HOMER3: variants seen among roughly 807,000 people sequenced by gnomAD.
HOMER3 encodes homer scaffold protein 3.
HOMER3 carries 34 observed loss-of-function variants against 45.5 expected under a neutral mutation model. The observed-to-expected ratio is 0.75, with a 90% CI of 0.57 to 1.00. The LOEUF (loss-of-function observed/expected upper bound fraction) is 1.00, where lower values mean the gene tolerates loss of function less well. Among genes scored for constraint, HOMER3 ranks in the 50% least tolerant of loss-of-function variants. HOMER3 has a pLI of 0.00. For missense variants in HOMER3, 480 were observed against 497.5 expected, an observed-to-expected ratio of 0.96 and a Z score of 0.33; for synonymous variants, 223 against 208.8, an observed-to-expected ratio of 1.07 and a Z score of -0.58.
intron 4 of HOMER3, among the ~76,000 whole-genome samples, chr19:18,935,872 T>TAAAAA (rs2057087020): frequency 2.7e-5 from 4 of 149,014 alleles, no homozygotes; most frequent in Admixed American, 1.3e-4. Flanking sequence ...ACACAAAAAT[T>TAAAAA]AGCCAGGCAT....
intron 7 of HOMER3, 96 bp downstream of exon 7, chr19:18,931,880 A>G: frequency 7.0e-7 from 1 of 1,435,148 alleles, no homozygotes; most frequent in Non-Finnish European, 9.1e-7. Flanking sequence ...TCACACAGCT[A>G]GTCCATGAAC....
rs771871313 is a variant in HOMER3, at chr19:18,931,402, T to C, written c.817A>G (p.Thr273Ala). ...LVQTKDQEIQ[T>A]LKSQTGGPRE... ...GGCCCCCCAGTCTGACTCTTCAGGG[T>C]CTGAATCTCCTAGAGGAGAAGAGTT... Residue 273 changes from threonine to alanine, a missense_variant, in exon 9 of 10, where the codon ACC becomes GCC. Coordinates refer to ENST00000392351, the MANE Select transcript of HOMER3 (RefSeq NM_004838.4). The C allele has an allele frequency of 6.2e-7, 1 of 1,614,068 alleles. No homozygotes were observed.
intron 1 of HOMER3, 151 bp from the exon 2 acceptor site, chr19:18,939,200 G>A: frequency 1.9e-6 from 1 of 528,202 alleles, no homozygotes; most frequent in Non-Finnish European, 3.3e-6. Context: ...GGTGCTTTGG[G>A]AGGCTGAGTC....
chr19:18,939,267 C>G (rs890522591), intron 1 of HOMER3: 3 of 408,432 alleles, frequency 7.3e-6, no homozygotes, highest in Non-Finnish European at 1.3e-5. Context: ...TGGCGAGACC[C>G]CATCTCTACC....
chr19:18,931,911 C>A (rs1318395759), intron 7 of HOMER3, 65 bp downstream of exon 7: 2 of 1,455,550 alleles, frequency 1.4e-6, no homozygotes, highest in South Asian at 1.4e-5. Flanking sequence ...TGGGAACTGC[C>A]GAGGCGCGGT....
chr19:18,929,671 C>G (rs959979694), intron 9 of HOMER3, 37 bp from the exon 10 acceptor site: 1 of 1,457,564 alleles, frequency 6.9e-7, no homozygotes, highest in Admixed American at 2.4e-5. Flanking sequence ...GGGGCCCCAA[C>G]AAATCACCAG....
intron 1 of HOMER3, chr19:18,940,740 C>CT (rs2057147145): frequency 1.3e-5 from 2 of 152,008 alleles, no homozygotes; most frequent in African/African-American, 4.8e-5. Context: ...CCCCTCCAGT[C>CT]CCTGGGTCCG....
rs1296258668 is a variant in HOMER3, at chr19:18,929,574, C to T, written c.955G>A (p.Glu319Lys). 2.6e-6 allele frequency: 4 copies of T among 1,547,592 alleles called. No individual in the cohort carries two copies. Among genetic ancestry groups the T allele is most frequent in the Non-Finnish European group, 3.5e-6 (4 of 1,146,898 alleles). Reference sequence around the variant, plus strand: ...CGCTCCCGCTCTGCCCGTGCCTCCTCCAGGCTGCGCTCCATCGCCCGCAGC... The same window carrying T: ...CGCTCCCGCTCTGCCCGTGCCTCCTTCAGGCTGCGCTCCATCGCCCGCAGC... ...HQLRAMERSL[E>K]EARAERERAR... Residue 319 changes from glutamate (E) to lysine (K), a missense_variant, in exon 10 of 10, where the codon GAG becomes AAG. Physicochemically the swap from Glu to Lys is moderately conservative, Grantham distance 56. Transcript: ENST00000392351.
Position 18,933,041 on chromosome 19 carries a change from G to A in HOMER3, c.416C>T (p.Pro139Leu). The change falls in exon 6 of 10, where the codon CCC becomes CTC. Residue 139 changes from proline (P) to leucine (L), a missense_variant. Pro to Leu is a moderately conservative substitution (Grantham distance 98, BLOSUM62 -3). Coordinates refer to ENST00000392351, the MANE Select transcript of HOMER3 (RefSeq NM_004838.4). ...GTTGGCACTGACGAGAGGGCTCGGG[G>A]GCACCTAGGCACGGGGAAAAGAATA... ...PALGLASHQV[P>L]PSPLVSANGP... 2.0e-6 allele frequency: 3 copies of A among 1,489,238 alleles called. No individual in the cohort carries two copies. The highest frequency in any genetic ancestry group is 2.7e-6 in the Non-Finnish European group (3 of 1,124,344). The allele number at this position is 1,489,238 out of a possible 1,614,324, so 92.3% of individuals were successfully genotyped here.
At chr19:18,931,200 G>T in intron 9 of HOMER3, 125 bp downstream of exon 9, 2 of 791,562 alleles carry the variant, frequency 2.5e-6, no homozygotes, top group Non-Finnish European at 2.1e-6. Context: ...GGCACCTGCT[G>T]GGCATCAGGC....
rs1568336147 is a variant in HOMER3 at position 18,931,571 on chromosome 19, CCTT to C, written c.742_744del (p.Lys248del). 2 of 1,613,306 alleles carry C rather than the reference CCTT, an allele frequency of 1.2e-6. No homozygotes were observed. The highest frequency in any genetic ancestry group is 1.3e-5 in the African/African-American group (1 of 74,948). ...AGCGACTGGCCCTGGCCCAGCCCCT[CCTT>C]CTCACCGGTGGGGGTCACCTCTGAA... On this transcript the variant is annotated inframe_deletion, in exon 8 of 10. Coordinates refer to ENST00000392351, the MANE Select transcript of HOMER3 (RefSeq NM_004838.4).
intron 4 of HOMER3, among the ~76,000 whole-genome samples, chr19:18,935,294 C>T (rs2057080414): frequency 6.6e-6 from 1 of 152,028 alleles, no homozygotes; most frequent in African/African-American, 2.4e-5. Context: ...CCCGTGCCAC[C>T]ACGCCCAGCT....
At chr19:18,932,873 T>TGCCCCCC in intron 6 of HOMER3, 51 bp downstream of exon 6, 3 of 877,170 alleles carry the variant, frequency 3.4e-6, no homozygotes, top group Middle Eastern at 3.8e-4. Context: ...CGCCTCCTCG[T>TGCCCCCC]CCCCCACCCC....
In HOMER3 at chr19:18,931,369, C is replaced by G. The variant is rs779411087; in HGVS notation, c.850G>C (p.Ala284Pro). 1.2e-6 allele frequency: 2 copies of G among 1,614,188 alleles called. No individual in the cohort carries two copies. Among genetic ancestry groups the G allele is most frequent in the East Asian group, 4.5e-5 (2 of 44,882 alleles). Residue 284 changes from alanine (A) to proline (P), a missense_variant, in exon 9 of 10, where the codon GCC (alanine) becomes CCC (proline). Physicochemically the swap from Ala to Pro is conservative, Grantham distance 27. Coordinates refer to ENST00000392351, the MANE Select transcript of HOMER3 (RefSeq NM_004838.4). ...TCCTCACGCTCGGCAGCCTCCAGGG[C>G]CTCGCGGGGCCCCCCAGTCTGACTC... ...LKSQTGGPREALEAAEREETQ... is the reference protein window; with the variant it reads ...LKSQTGGPREPLEAAEREETQ...
chr19:18,931,909 G>A, intron 7 of HOMER3, 67 bp downstream of exon 7: 1 of 1,454,762 alleles, frequency 6.9e-7, no homozygotes, highest in Non-Finnish European at 9.0e-7. Flanking sequence ...GATGGGAACT[G>A]CCGAGGCGCG....
chr19:18,935,132 G>GC (rs1380961044), intron 4 of HOMER3, among the ~76,000 whole-genome samples: 2 of 131,554 alleles, frequency 1.5e-5, no homozygotes, highest in Admixed American at 1.8e-4. Context: ...ACAGCACCCA[G>GC]CCTTTTTTTT....
intron 6 of HOMER3, 39 bp downstream of exon 6, chr19:18,932,885 A>AACCCC: frequency 7.3e-6 from 5 of 687,536 alleles, no homozygotes; most frequent in East Asian, 3.7e-5. Flanking sequence ...CCCCACCCCT[A>AACCCC]CCCCCGCCCC....
chr19:18,938,036 C>T (rs1226367243), intron 4 of HOMER3, among the ~76,000 whole-genome samples: 1 of 151,144 alleles, frequency 6.6e-6, no homozygotes, highest in African/African-American at 2.4e-5. Context: ...TAATAAAATA[C>T]AAAAAATTAG....
chr19:18,932,995 C>G lies in HOMER3; in HGVS notation c.462G>C (p.Leu154=), dbSNP rs753931987. The G allele has an allele frequency of 7.5e-6, 11 of 1,474,786 alleles. No homozygotes were observed. Among genetic ancestry groups the G allele is most frequent in the African/African-American group, 1.5e-5 (1 of 67,478 alleles). The allele number at this position is 1,474,786 out of a possible 1,614,324, so 91.4% of individuals were successfully genotyped here. The change falls in exon 6 of 10, where the codon CTG becomes CTC. Residue 154 remains leucine, a synonymous_variant. Transcript: ENST00000392351. ...GGGCATCAGCGCTCTGGCTGCGGAA[C>G]AGTTTTTCCTCGCCGGGGCCGTTGG... The part of the protein sequence containing the change: ...VSANGPGEEK[L]FRSQSADAPG...
Sources: allele counts gnomAD v4.1 joint callset (sites outside exome capture counted in the v4.1 genomes callset), GRCh38; gene constraint gnomAD v4.1.1; transcripts MANE v1.5; gene names NCBI Gene and HGNC (gene_info 2026-07-23, HGNC 2026-07-21).